Variants in ADAM2 observed in about 807,000 individuals in gnomAD.
The protein encoded by ADAM2 is disintegrin and metalloproteinase domain-containing protein 2.
Under a neutral mutation model 99.3 loss-of-function variants are expected in ADAM2, and 101 were observed. The ratio of observed to expected loss-of-function variants is 1.02; its 90% CI spans 0.87 to 1.20. The LOEUF (loss-of-function observed/expected upper bound fraction) is 1.20. Among genes scored for constraint, ADAM2 ranks in the 50% most tolerant of loss-of-function variants. The pLI, the probability that ADAM2 is intolerant of heterozygous loss-of-function variation, is 0.00. For synonymous variants in ADAM2, 323 were observed against 287.6 expected (o/e 1.12, Z -1.25); for missense variants, 948 against 878.7 (o/e 1.08, Z -1.00).
At chr8:39,796,536 T>C (rs1301700222) in intron 7 of ADAM2, among the ~76,000 whole-genome samples, 1 of 152,210 alleles carries the variant, frequency 6.6e-6, no homozygotes, top group Non-Finnish European at 1.5e-5. Context: ...GAATGATTTA[T>C]ATTCCTTTGA....
chr8:39,755,491 A>T (rs957631929), intron 16 of ADAM2, among the ~76,000 whole-genome samples: 6 of 152,176 alleles, frequency 3.9e-5, no homozygotes, highest in Non-Finnish European at 8.8e-5. Flanking sequence ...CCTGGCCAAC[A>T]CTGTGAAACT....
At chr8:39,762,283 A>C (rs1222321711) in intron 14 of ADAM2, among the ~76,000 whole-genome samples, 1 of 152,200 alleles carries the variant, frequency 6.6e-6, no homozygotes. Context: ...TGATGTAGTG[A>C]ACTGAAAAGT....
chr8:39,770,577 C>T (rs1214970513), intron 11 of ADAM2, among the ~76,000 whole-genome samples: 1 of 152,108 alleles, frequency 6.6e-6, no homozygotes, highest in Non-Finnish European at 1.5e-5. Flanking sequence ...GTTGTTTGTC[C>T]TTGTAAAAGA....
intron 15 of ADAM2, among the ~76,000 whole-genome samples, chr8:39,760,882 C>CAAAA (rs58386097): frequency 8.3e-5 from 5 of 60,180 alleles, no homozygotes; most frequent in African/African-American, 2.7e-4. Flanking sequence ...GACTCCATCT[C>CAAAA]AAAAAAAAAA....
At chr8:39,815,900 T>A (rs1244490229) in intron 6 of ADAM2, among the ~76,000 whole-genome samples, 1 of 152,116 alleles carries the variant, frequency 6.6e-6, no homozygotes. Context: ...TAGCACAAAG[T>A]AGAACTTTTA....
intron 8 of ADAM2, 133 bp from the exon 9 acceptor site, chr8:39,788,384 G>A (rs1683994061): frequency 3.5e-6 from 2 of 579,206 alleles, no homozygotes; most frequent in Admixed American, 3.9e-5. Flanking sequence ...TTTTAAAGTA[G>A]ATTAGTAAGT....
At chr8:39,796,863 T>C (rs189618661) in intron 7 of ADAM2, among the ~76,000 whole-genome samples, 10 of 152,352 alleles carry the variant, frequency 6.6e-5, no homozygotes, top group Middle Eastern at 3.4e-3. Flanking sequence ...TGTCTGTTCA[T>C]ATCCTTTGCC....
intron 6 of ADAM2, among the ~76,000 whole-genome samples, chr8:39,816,088 G>A (rs1804927483): frequency 6.6e-6 from 1 of 152,008 alleles, no homozygotes; most frequent in Non-Finnish European, 1.5e-5. Flanking sequence ...CTGAGGTCAG[G>A]AGTTCAAGAC....
At chr8:39,770,020 C>A (rs1051861094) in intron 11 of ADAM2, among the ~76,000 whole-genome samples, 10 of 145,956 alleles carry the variant, frequency 6.9e-5, no homozygotes, top group African/African-American at 2.5e-4. Context: ...GATCTCTGCT[C>A]ACTGCAATGT....
intron 2 of ADAM2, among the ~76,000 whole-genome samples, chr8:39,836,205 A>ATT (rs200796628): frequency 1.8e-4 from 27 of 151,328 alleles, no homozygotes; most frequent in Admixed American, 4.6e-4. Context: ...GAAAATGGGC[A>ATT]TTTTTTTTTA....
At chr8:39,787,446 T>G (rs968429193) in intron 9 of ADAM2, among the ~76,000 whole-genome samples, 3 of 151,400 alleles carry the variant, frequency 2.0e-5, no homozygotes, top group Non-Finnish European at 4.4e-5. Flanking sequence ...AAAATTAGCC[T>G]TCTAGAGACA....
At chr8:39,834,827 A>G (rs1272501268) in intron 2 of ADAM2, among the ~76,000 whole-genome samples, 1 of 151,192 alleles carries the variant, frequency 6.6e-6, no homozygotes, top group Non-Finnish European at 1.5e-5. Flanking sequence ...AATTATATTC[A>G]GGTACCTTCC....
chr8:39,750,183 A>T (rs1823671095), intron 16 of ADAM2, among the ~76,000 whole-genome samples: 1 of 152,172 alleles, frequency 6.6e-6, no homozygotes. Flanking sequence ...GTATTATAAA[A>T]AAAGAAGTAA....
chr8:39,814,893 T>C (rs1057180421), intron 6 of ADAM2, among the ~76,000 whole-genome samples: 13 of 151,242 alleles, frequency 8.6e-5, no homozygotes, highest in African/African-American at 3.2e-4. Flanking sequence ...AAACATGAGA[T>C]ATAACAGAGC....
intron 16 of ADAM2, among the ~76,000 whole-genome samples, chr8:39,750,044 T>C (rs1823663137): frequency 6.6e-6 from 1 of 152,078 alleles, no homozygotes; most frequent in Non-Finnish European, 1.5e-5. Flanking sequence ...TAATAAATGC[T>C]GTAATGAAAA....
intron 14 of ADAM2, among the ~76,000 whole-genome samples, chr8:39,765,772 C>T (rs1286135610): frequency 1.3e-5 from 2 of 152,120 alleles, no homozygotes; most frequent in South Asian, 4.1e-4. Context: ...TTTCTTCAAA[C>T]CAACAGTCAT....
chr8:39,833,796 A>G (rs1805709704), intron 3 of ADAM2, 148 bp downstream of exon 3: 1 of 609,218 alleles, frequency 1.6e-6, no homozygotes, highest in Non-Finnish European at 2.9e-6. Context: ...TATGTATCAT[A>G]TATAGGCTTA....
chr8:39,785,921 G>A (rs183978826), intron 10 of ADAM2, among the ~76,000 whole-genome samples: 14 of 152,080 alleles, frequency 9.2e-5, no homozygotes, highest in African/African-American at 1.4e-4. Context: ...CTAAGTGTCC[G>A]TAAATGGTGG....
At chr8:39,764,532 T>G (rs1802487302) in intron 14 of ADAM2, among the ~76,000 whole-genome samples, 1 of 152,206 alleles carries the variant, frequency 6.6e-6, no homozygotes, top group African/African-American at 2.4e-5. Flanking sequence ...ATAGTTACCA[T>G]CTGCCTATAT....
Sources: gnomAD v4.1 joint callset for allele counts (sites outside exome capture counted in the v4.1 genomes callset) on GRCh38, gnomAD v4.1.1 for gene constraint, MANE v1.5 for transcripts, NCBI Gene and HGNC (gene_info 2026-07-23, HGNC 2026-07-21) for gene names.